Variants in BSDC1 observed in about 807,000 individuals in gnomAD.
The protein encoded by BSDC1 is BSD domain containing 1.
In BSDC1, 29 loss-of-function variants were observed where a neutral mutation model predicts 56.0. That is an observed-to-expected ratio of 0.52 (90% CI 0.39 to 0.71). The LOEUF (loss-of-function observed/expected upper bound fraction) is 0.71. Among genes scored for constraint, BSDC1 ranks in the 30% least tolerant of loss-of-function variants. BSDC1 has a pLI of 0.00. For synonymous variants in BSDC1, 210 were observed against 215.3 expected, an observed-to-expected ratio of 0.98 and a Z score of 0.21; for missense variants, 477 against 548.5, an observed-to-expected ratio of 0.87 and a Z score of 1.30.
At chr1:32,385,422 C>G (rs1272289359) in intron 3 of BSDC1, among the ~76,000 whole-genome samples, 4 of 152,166 alleles carry the variant, frequency 2.6e-5, no homozygotes, top group Non-Finnish European at 5.9e-5. Flanking sequence ...TCCCCTGAAT[C>G]TAAAATTAGA....
chr1:32,380,982 A>T (rs1421991647), intron 5 of BSDC1, among the ~76,000 whole-genome samples: 1 of 152,080 alleles, frequency 6.6e-6, no homozygotes, highest in Admixed American at 6.6e-5. Flanking sequence ...TGAGCTGAGG[A>T]TGAGGGATGA....
chr1:32,383,397 G>T (rs1418046507), intron 4 of BSDC1, among the ~76,000 whole-genome samples: 2 of 151,408 alleles, frequency 1.3e-5, no homozygotes, highest in East Asian at 3.9e-4. Flanking sequence ...AATGAGCCAT[G>T]ATTGTGCCAC....
intron 9 of BSDC1, among the ~76,000 whole-genome samples, chr1:32,372,708 A>G (rs1317614576): frequency 6.6e-6 from 1 of 152,230 alleles, no homozygotes; most frequent in East Asian, 1.9e-4. Context: ...AGACTTCAGA[A>G]TGGAGTTCTA....
intron 9 of BSDC1, among the ~76,000 whole-genome samples, chr1:32,371,453 G>A (rs1469717888): frequency 6.6e-6 from 1 of 151,814 alleles, no homozygotes; most frequent in Admixed American, 6.6e-5. Context: ...TGGGACTACA[G>A]GCGCCCGCCA....
intron 5 of BSDC1, among the ~76,000 whole-genome samples, chr1:32,380,647 A>AAAACAAAC (rs537750402): frequency 2.6e-5 from 4 of 151,996 alleles, no homozygotes; most frequent in South Asian, 2.1e-4. Flanking sequence ...CTCCATCTCA[A>AAAACAAAC]AAACAAACAA....
intron 4 of BSDC1, 44 bp from the exon 5 acceptor site, chr1:32,381,312 G>C: frequency 3.2e-6 from 5 of 1,586,266 alleles, no homozygotes; most frequent in African/African-American, 1.3e-5. Flanking sequence ...CTGAGATACT[G>C]GGCATAGAAA....
At position 32,378,182 on chromosome 1, in the gene BSDC1, G is replaced by T. The variant is rs750992561; in HGVS notation, c.597+33C>A. 1.2e-6 allele frequency: 2 copies of T among 1,610,880 alleles called. No individual in the cohort carries two copies. Among genetic ancestry groups the T allele is most frequent in the Non-Finnish European group, 1.7e-6 (2 of 1,177,004 alleles). ...AATCCAGCCTGCTTCCCCCAGGGTT[G>T]AGTGGGGACCTCCCCATGCTAGACC... On this transcript the variant is annotated intron_variant, in intron 7 of 10. Transcript: ENST00000455895. This position sits in a 1 kb window ranked among gnomAD's most constrained non-coding sequence, Gnocchi z 5.2.
chr1:32,384,508 T>C (rs566630344), intron 3 of BSDC1, among the ~76,000 whole-genome samples: 2 of 152,320 alleles, frequency 1.3e-5, no homozygotes, highest in East Asian at 3.9e-4. Context: ...AGATAGGGTA[T>C]GGACAATGCC....
chr1:32,389,281 T>A (rs1485940051), intron 2 of BSDC1, among the ~76,000 whole-genome samples: 1 of 152,218 alleles, frequency 6.6e-6, no homozygotes, highest in African/African-American at 2.4e-5. Context: ...TCTGTCTTCC[T>A]GGATAAACTG....
chr1:32,366,572 G>A lies in BSDC1; in HGVS notation c.*50C>T, dbSNP rs1254725240. The A allele has an allele frequency of 8.2e-6, 12 of 1,462,178 alleles. No individual in the cohort carries two copies. The East Asian group carries it at 2.0e-4, about 24-fold the overall frequency. 90.6% of individuals were successfully genotyped at this position (1,462,178 alleles called of 1,614,324 possible). A position where few individuals can be genotyped will look rare whatever the true frequency, so the allele number is the denominator to read the frequency against. ...CTTCCAGGGCTGGGCTGAGACGAGCGAGGGAGGCGAGAGATGCCATGGGTG... is the reference window on the plus strand; with the variant it reads ...CTTCCAGGGCTGGGCTGAGACGAGCAAGGGAGGCGAGAGATGCCATGGGTG... On this transcript the variant is annotated 3_prime_UTR_variant, in exon 11 of 11. Transcript: ENST00000455895.
intron 2 of BSDC1, 118 bp downstream of exon 2, chr1:32,393,962 G>C (rs1642957615): frequency 1.0e-6 from 1 of 969,754 alleles, no homozygotes; most frequent in Admixed American, 2.2e-5. Flanking sequence ...GAAAGGCCCA[G>C]GTCAGCCTCA....
At chr1:32,366,702 T>C in intron 10 of BSDC1, 48 bp from the exon 11 acceptor site, 4 of 1,453,104 alleles carry the variant, frequency 2.8e-6, no homozygotes, top group Middle Eastern at 4.0e-4. Flanking sequence ...TAGTTACTCC[T>C]GAGTCAGGCC....
In BSDC1 at chr1:32,366,623, C is replaced by T; in HGVS notation, c.1292G>A (p.Ter431=). The change falls in exon 11 of 11, where the codon TGA becomes TAA. Residue 431 remains the stop codon, a stop_retained_variant. Coordinates refer to ENST00000455895, the MANE Select transcript of BSDC1 (RefSeq NM_018045.8). ...GGGGAGCTGCTCCCTCTGGCTCCCT[C>T]ACTCCCAGTCCTCCCACTCTACATC... ...LEDVEWEDWE[*] The T allele has an allele frequency of 1.3e-6, 2 of 1,494,430 alleles. No homozygotes were observed. Among genetic ancestry groups the T allele is most frequent in the Non-Finnish European group, 1.8e-6 (2 of 1,118,136 alleles). The allele number at this position is 1,494,430 out of a possible 1,614,324, so 92.6% of individuals were successfully genotyped here. A position where few individuals can be genotyped will look rare whatever the true frequency, so the allele number is the denominator to read the frequency against.
At chr1:32,382,680 G>C (rs1642523349) in intron 4 of BSDC1, among the ~76,000 whole-genome samples, 1 of 149,084 alleles carries the variant, frequency 6.7e-6, no homozygotes. Flanking sequence ...AGGCAGAATA[G>C]GGAGACCTCA....
In BSDC1 at chr1:32,378,028, G is replaced by A. The variant is rs1376158792; in HGVS notation, c.618C>T (p.Ala206=). The change falls in exon 8 of 11, where the codon GCC becomes GCT. Residue 206 remains alanine (A), a synonymous_variant. Coordinates refer to ENST00000455895, the MANE Select transcript of BSDC1 (RefSeq NM_018045.8). This position sits in a 1 kb window ranked among gnomAD's most constrained non-coding sequence, Gnocchi z 5.2. The stretch of plus-strand genomic sequence containing the variant: ...TGCTCTGTTCCGCCCGCTGCTTCAG[G>A]GCGTCCCTCCGGGCCTGCTCCTGAA... ...QLEQEQARRD[A]LKQRAEQSIS... 3 of 1,613,026 alleles carry A rather than the reference G, an allele frequency of 1.9e-6. No homozygotes were observed. Among genetic ancestry groups the A allele is most frequent in the Admixed American group, 3.3e-5 (2 of 59,896 alleles).
intron 4 of BSDC1, 87 bp downstream of exon 4, chr1:32,383,743 C>T: frequency 1.6e-6 from 2 of 1,278,692 alleles, no homozygotes; most frequent in Non-Finnish European, 1.1e-6. Context: ...TTGGCCTGAA[C>T]ATGGGCTGCT....
rs557107550 is a variant in BSDC1 at position 32,389,105 on chromosome 1, C to T, written c.73-2210G>A. 3.9e-5 allele frequency among the ~76,000 whole-genome samples: 6 copies of T among 152,196 alleles called. No homozygotes were observed. The East Asian group carries it at 9.7e-4, about 24-fold the overall frequency. ...GAGTAGCTGGGACTACAGGCGCCCG[C>T]CACCAAGCCCAGCTAATTTTTTGTA... On this transcript the variant is annotated intron_variant, in intron 2 of 10. Coordinates refer to ENST00000455895, the MANE Select transcript of BSDC1 (RefSeq NM_018045.8).
Position 32,394,393 on chromosome 1 carries a change from GAC to G in BSDC1, c.11+9_11+10del. The G allele has an allele frequency of 6.2e-7, 1 of 1,613,966 alleles. No homozygotes were observed. Among genetic ancestry groups the G allele is most frequent in the Non-Finnish European group, 8.5e-7 (1 of 1,180,012 alleles). On this transcript the variant is annotated intron_variant, in intron 1 of 10. Transcript: ENST00000455895. ...AGGCCCCAACGCCTAGGAGCAAAAC[GAC>G]AAGCTCACCCTTCCGCCATCTTGCC...
intron 3 of BSDC1, among the ~76,000 whole-genome samples, chr1:32,385,201 C>G (rs1642623478): frequency 6.6e-6 from 1 of 152,162 alleles, no homozygotes; most frequent in Admixed American, 6.5e-5. Context: ...ATATCTTTGA[C>G]CACAATTTTT....
Sources: gnomAD v4.1 joint callset for allele counts (sites outside exome capture counted in the v4.1 genomes callset) on GRCh38, gnomAD v4.1.1 for gene constraint, Gnocchi (gnomAD v3.1) non-coding constraint, MANE v1.5 for transcripts, NCBI Gene and HGNC (gene_info 2026-07-23, HGNC 2026-07-21) for gene names.